The following CDH10 variants were observed in gnomAD, a reference collection of about 807,000 sequenced individuals.
The protein encoded by CDH10 is cadherin 10.
A neutral mutation model predicts 73.1 loss-of-function variants in CDH10; 30 were observed. That is an observed-to-expected ratio of 0.41 (90% CI 0.31 to 0.56). The LOEUF (loss-of-function observed/expected upper bound fraction) is 0.56. Among genes scored for constraint, CDH10 ranks in the 20% least tolerant of loss-of-function variants. The pLI is 0.27. For missense variants in CDH10, 815 were observed against 973.7 expected, an observed-to-expected ratio of 0.84 and a Z score of 2.17; for synonymous variants, 345 against 348.2, an observed-to-expected ratio of 0.99 and a Z score of 0.10.
intron 3 of CDH10, among the ~76,000 whole-genome samples, chr5:24,536,583 T>C (rs1167111977): frequency 6.6e-6 from 1 of 152,096 alleles, no homozygotes; most frequent in Non-Finnish European, 1.5e-5. Flanking sequence ...ATGTTATCAC[T>C]GTTCTCTGAT....
At position 24,610,156 on chromosome 5, in the gene CDH10, T is replaced by C. The variant is rs1186834517; in HGVS notation, c.-123-16543A>G. Among the ~76,000 whole-genome samples the C allele has an allele frequency of 2.0e-5, 3 of 152,302 alleles. No homozygotes were observed. The East Asian group carries it at 5.8e-4, about 29-fold the overall frequency. On this transcript the variant is annotated intron_variant, in intron 1 of 11. Transcript: ENST00000264463. ...TGAGACAGTTCTGCAAAATAAACTT[T>C]CTTATGTTGCCAATTATTCCATGAC...
At chr5:24,616,040 T>A (rs1191742356) in intron 1 of CDH10, among the ~76,000 whole-genome samples, 1 of 152,174 alleles carries the variant, frequency 6.6e-6, no homozygotes, top group Non-Finnish European at 1.5e-5. Context: ...TTTTATGGAA[T>A]GTTGACTGTA....
At chr5:24,531,094 T>G (rs1743726108) in intron 5 of CDH10, among the ~76,000 whole-genome samples, 1 of 152,082 alleles carries the variant, frequency 6.6e-6, no homozygotes, top group Admixed American at 6.6e-5. Flanking sequence ...TCCCACATGC[T>G]GATCTTTTTG....
chr5:24,537,529 G>A lies in CDH10; in HGVS notation c.377C>T (p.Thr126Ile), dbSNP rs762716410. 1.9e-6 allele frequency: 3 copies of A among 1,613,332 alleles called. No homozygotes were observed. Among genetic ancestry groups the A allele is most frequent in the East Asian group, 2.2e-5 (1 of 44,822 alleles). ...RIDREEKAFYTLRAQAINRRT... is the reference protein window; with the variant it reads ...RIDREEKAFYILRAQAINRRT... ...TCTGTTAATAGCTTGTGCGCGTAGAGTATAAAAGGCCTTTTCCTCCCTATC... is the reference window on the plus strand; with the variant it reads ...TCTGTTAATAGCTTGTGCGCGTAGAATATAAAAGGCCTTTTCCTCCCTATC... The change falls in exon 3 of 12, where the codon ACT (threonine) becomes ATT (isoleucine). Residue 126 changes from threonine (T) to isoleucine (I), a missense_variant. By Grantham distance (89) the Thr-to-Ile change is moderately conservative. This residue lies in a region of CDH10 where 516 missense variants were observed against 636.6 expected (regional missense o/e 0.81). Transcript: ENST00000264463.
chr5:24,643,586 G>T (rs1207567502), intron 1 of CDH10, among the ~76,000 whole-genome samples: 1 of 152,136 alleles, frequency 6.6e-6, no homozygotes, highest in Non-Finnish European at 1.5e-5. Context: ...AGAAGTAATG[G>T]ATGTGCAGTT....
chr5:24,488,872 C>T (rs56887158), intron 11 of CDH10, among the ~76,000 whole-genome samples: 251 of 149,874 alleles, frequency 1.7e-3, no homozygotes, highest in African/African-American at 5.1e-3. Context: ...CTAACTCCCC[C>T]CAAAAATGTA....
At position 24,535,825 on chromosome 5, in the gene CDH10, GA is replaced by G; in HGVS notation, c.527-4del. ...TGTGACTTGCACCACAGAAGTACCT[GA>G]AGTATCCAAATTCAGCTTAGTTCTG... On this transcript the variant is annotated splice_region_variant and splice_polypyrimidine_tract_variant and intron_variant, in intron 3 of 11. Coordinates refer to ENST00000264463, the MANE Select transcript of CDH10 (RefSeq NM_006727.5). 6.2e-7 allele frequency: 1 copy of G among 1,606,234 alleles called. No individual in the cohort carries two copies. Among genetic ancestry groups the G allele is most frequent in the Non-Finnish European group, 8.5e-7 (1 of 1,175,150 alleles).
chr5:24,535,973 T>C (rs1332496488), intron 3 of CDH10, 151 bp from the exon 4 acceptor site: 19 of 475,144 alleles, frequency 4.0e-5, no homozygotes, highest in Admixed American at 1.5e-4. Flanking sequence ...TGTAGATATA[T>C]AGTGTTATTA....
intron 7 of CDH10, among the ~76,000 whole-genome samples, chr5:24,508,296 A>G (rs1246722243): frequency 6.6e-6 from 1 of 152,232 alleles, no homozygotes; most frequent in African/African-American, 2.4e-5. Context: ...GTGTCATTGA[A>G]ACATTGATTC....
At chr5:24,604,161 C>A (rs1301368529) in intron 1 of CDH10, among the ~76,000 whole-genome samples, 1 of 152,048 alleles carries the variant, frequency 6.6e-6, no homozygotes, top group Non-Finnish European at 1.5e-5. Context: ...CCAGCCTGTG[C>A]AACATAGTGA....
chr5:24,644,344 C>A (rs76400535), intron 1 of CDH10, among the ~76,000 whole-genome samples: 1 of 151,980 alleles, frequency 6.6e-6, no homozygotes, highest in Non-Finnish European at 1.5e-5. Flanking sequence ...ATATCATGAC[C>A]CACTGTTGAG....
chr5:24,576,580 G>T (rs1745608054), intron 2 of CDH10, among the ~76,000 whole-genome samples: 1 of 151,948 alleles, frequency 6.6e-6, no homozygotes, highest in Non-Finnish European at 1.5e-5. Flanking sequence ...GGCCAAAGCT[G>T]GATCAATCTG....
intron 7 of CDH10, among the ~76,000 whole-genome samples, chr5:24,509,239 C>CTTTTTTT (rs1417301899): frequency 3.0e-5 from 1 of 33,324 alleles, no homozygotes; most frequent in African/African-American, 9.6e-5. Flanking sequence ...TCTCCTTTTT[C>CTTTTTTT]CTTTTTTTTT....
intron 1 of CDH10, among the ~76,000 whole-genome samples, chr5:24,619,878 C>T (rs1315743106): frequency 6.6e-6 from 1 of 152,156 alleles, no homozygotes; most frequent in Non-Finnish European, 1.5e-5. Flanking sequence ...CGTATACTGA[C>T]TCTGCTCTCC....
In CDH10 at chr5:24,621,487, C is replaced by T. The variant is rs570730736; in HGVS notation, c.-124+23107G>A. On this transcript the variant is annotated intron_variant, in intron 1 of 11. Transcript: ENST00000264463. ...TCACTGTCAGCAAGAAGCTTGATTT[C>T]ACTGAGAGGATATCAACAATAACCA... Among the ~76,000 whole-genome samples, 26 of 152,292 alleles carry T rather than the reference C, an allele frequency of 1.7e-4. No individual in the cohort carries two copies. The East Asian group carries it at 5.0e-3, about 29-fold the overall frequency.
intron 1 of CDH10, among the ~76,000 whole-genome samples, chr5:24,635,555 C>A (rs569447180): frequency 1.7e-3 from 263 of 151,902 alleles, no homozygotes; most frequent in African/African-American, 6.1e-3. Context: ...AGTCTTTATG[C>A]AACTGACATT....
intron 2 of CDH10, among the ~76,000 whole-genome samples, chr5:24,554,473 CGTGTGTGT>C (rs70965612): frequency 0.28 from 42,125 of 149,038 alleles, 6,590 homozygotes; most frequent in African/African-American, 0.38. Flanking sequence ...TCTCCCTATT[CGTGTGTGT>C]GTGTGTGTGT....
chr5:24,520,924 G>A (rs1012079888), intron 5 of CDH10, among the ~76,000 whole-genome samples: 2 of 151,780 alleles, frequency 1.3e-5, no homozygotes, highest in African/African-American at 4.8e-5. Flanking sequence ...TAGAAATGGG[G>A]TTTCATCATA....
intron 1 of CDH10, among the ~76,000 whole-genome samples, chr5:24,636,630 T>G (rs1471215624): frequency 1.3e-5 from 2 of 151,816 alleles, no homozygotes; most frequent in African/African-American, 4.8e-5. Flanking sequence ...ACAATACACC[T>G]ATATAACAAA....
Sources: gnomAD v4.1 joint callset for allele counts (sites outside exome capture counted in the v4.1 genomes callset) on GRCh38, gnomAD v4.1.1 for gene constraint, gnomAD v4.1.1 regional missense constraint, MANE v1.5 for transcripts, NCBI Gene and HGNC (gene_info 2026-07-23, HGNC 2026-07-21) for gene names.